Variants in FOXP2 observed in about 807,000 individuals in gnomAD.
The protein encoded by FOXP2 is forkhead box protein P2.
In FOXP2, 12 loss-of-function variants were observed where a neutral mutation model predicts 115.8. That is an observed-to-expected ratio of 0.10 (90% CI 0.07 to 0.17). FOXP2 has a LOEUF of 0.17. Among genes scored for constraint, FOXP2 ranks in the 10% least tolerant of loss-of-function variants. The probability of loss-of-function intolerance (pLI) is 1.00; values close to 1 mark genes in which losing one functional copy is unlikely to be tolerated. For synonymous variants in FOXP2, 328 were observed against 297.7 expected (o/e 1.10, Z -1.05); for missense variants, 629 against 843.5 (o/e 0.75, Z 3.15).
intron 1 of FOXP2, among the ~76,000 whole-genome samples, chr7:114,104,624 A>C (rs1791067160): frequency 6.6e-6 from 1 of 152,020 alleles, no homozygotes; most frequent in Non-Finnish European, 1.5e-5. Flanking sequence ...CAACAAGAAC[A>C]CTTAATCATT....
chr7:114,453,196 C>A (rs1458208751), intron 2 of FOXP2, among the ~76,000 whole-genome samples: 1 of 151,964 alleles, frequency 6.6e-6, no homozygotes, highest in African/African-American at 2.4e-5. Flanking sequence ...AACATCTATT[C>A]CAATTTCCTG....
chr7:114,357,049 T>C (rs866255256), intron 2 of FOXP2, among the ~76,000 whole-genome samples: 3 of 152,166 alleles, frequency 2.0e-5, no homozygotes, highest in African/African-American at 4.8e-5. Context: ...GGAAGAGATA[T>C]GGTTATACTC....
At chr7:114,410,514 G>C (rs1015384462), upstream of FOXP2, among the ~76,000 whole-genome samples, 1 of 152,062 alleles carries the variant, frequency 6.6e-6, no homozygotes, top group African/African-American at 2.4e-5. Context: ...GGAAGGATTA[G>C]ATATGATGCA....
chr7:114,177,434 C>A (rs554582465), intron 1 of FOXP2, among the ~76,000 whole-genome samples: 8 of 152,064 alleles, frequency 5.3e-5, no homozygotes, highest in African/African-American at 1.9e-4. Context: ...GGTAATAATT[C>A]ATTTGTTTTT....
intron 3 of FOXP2, among the ~76,000 whole-genome samples, chr7:114,576,893 G>A (rs1801603053): frequency 6.6e-6 from 1 of 151,896 alleles, no homozygotes; most frequent in Admixed American, 6.6e-5. Context: ...GAAAGTTGTA[G>A]AAAATGCTTT....
At chr7:114,443,474 T>C (rs190181415) in intron 2 of FOXP2, among the ~76,000 whole-genome samples, 124 of 152,236 alleles carry the variant, frequency 8.1e-4, no homozygotes, top group Middle Eastern at 3.4e-3. Context: ...GTTTGTTATA[T>C]GGGTAAATTG....
chr7:114,436,920 A>G (rs1020804449), intron 2 of FOXP2, among the ~76,000 whole-genome samples: 2 of 152,180 alleles, frequency 1.3e-5, no homozygotes, highest in Non-Finnish European at 2.9e-5. Context: ...TAATGAGAAA[A>G]TACACATTAA....
rs937070294 is a variant in FOXP2 at position 114,476,951 on chromosome 7, G to C, written c.168+50272G>C. Among the ~76,000 whole-genome samples, 4 of 151,932 alleles carry C rather than the reference G, an allele frequency of 2.6e-5. 1 individual carries two copies. The East Asian group carries it at 7.7e-4, about 29-fold the overall frequency. ...TAACTGAAAATCAAAACCATAGTGA[G>C]ATGCCTTCTTACACCAGGCAGAATG... is the stretch of plus-strand genomic sequence containing the variant. On this transcript the variant is annotated intron_variant, in intron 2 of 16. Transcript: ENST00000350908.
chr7:114,132,162 A>G (rs927739776), intron 1 of FOXP2, among the ~76,000 whole-genome samples: 1 of 152,218 alleles, frequency 6.6e-6, no homozygotes, highest in African/African-American at 2.4e-5. Flanking sequence ...TTTACATTTT[A>G]ATAAACTAAT....
At chr7:114,617,577 T>C (rs547656509) in intron 3 of FOXP2, among the ~76,000 whole-genome samples, 2 of 152,320 alleles carry the variant, frequency 1.3e-5, no homozygotes, top group East Asian at 3.9e-4. Context: ...GTGGATCACC[T>C]GAGGTCAGGA....
chr7:114,654,210 C>T (rs1489550875), intron 10 of FOXP2: 4 of 1,278,782 alleles, frequency 3.1e-6, no homozygotes, highest in African/African-American at 1.5e-5. Context: ...CCAATCTACA[C>T]CATGGGTGAC....
At chr7:114,156,019 T>C (rs1792657385) in intron 1 of FOXP2, among the ~76,000 whole-genome samples, 1 of 152,106 alleles carries the variant, frequency 6.6e-6, no homozygotes, top group Non-Finnish European at 1.5e-5. Context: ...GTTGTACCCA[T>C]GTTCACTTGA....
At chr7:114,122,399 C>CT (rs563384583) in intron 1 of FOXP2, among the ~76,000 whole-genome samples, 1,488 of 133,380 alleles carry the variant, frequency 0.011, 13 homozygotes, top group Non-Finnish European at 0.014. Flanking sequence ...TCCCTGTTTT[C>CT]TTTTTTTTTT....
chr7:114,247,472 T>C (rs1161711539), intron 1 of FOXP2, among the ~76,000 whole-genome samples: 1 of 152,154 alleles, frequency 6.6e-6, no homozygotes. Flanking sequence ...TTTACTTCCT[T>C]TAGAATTTTT....
intron 3 of FOXP2, among the ~76,000 whole-genome samples, chr7:114,579,556 T>C (rs1248345517): frequency 6.6e-6 from 1 of 151,176 alleles, no homozygotes; most frequent in East Asian, 1.9e-4. Flanking sequence ...CCATATTCCA[T>C]TTTTTTTTCT....
intron 1 of FOXP2, among the ~76,000 whole-genome samples, chr7:114,269,143 C>T (rs989701424): frequency 1.3e-5 from 2 of 152,028 alleles, no homozygotes; most frequent in East Asian, 1.9e-4. Context: ...AGGTGTTGGA[C>T]AAACAATTTG....
intron 1 of FOXP2, among the ~76,000 whole-genome samples, chr7:114,164,457 G>C (rs1792923753): frequency 6.6e-6 from 1 of 151,290 alleles, no homozygotes; most frequent in Non-Finnish European, 1.5e-5. Flanking sequence ...TGATTCTCCT[G>C]CCTCAGAATC....
chr7:114,090,355 T>C (rs1799517933), intron 1 of FOXP2, among the ~76,000 whole-genome samples: 1 of 151,926 alleles, frequency 6.6e-6, no homozygotes, highest in Non-Finnish European at 1.5e-5. Context: ...AATTTTGTGA[T>C]AAATAGTAGT....
At chr7:114,202,947 T>C (rs1794107044) in intron 1 of FOXP2, among the ~76,000 whole-genome samples, 1 of 152,050 alleles carries the variant, frequency 6.6e-6, no homozygotes, top group African/African-American at 2.4e-5. Context: ...TACTAAAAAA[T>C]GTTTTCTACT....
Sources: allele counts gnomAD v4.1 joint callset (sites outside exome capture counted in the v4.1 genomes callset), GRCh38; gene constraint gnomAD v4.1.1; transcripts MANE v1.5; gene names NCBI Gene and HGNC (gene_info 2026-07-23, HGNC 2026-07-21).